PCNX1: variants seen among roughly 807,000 people sequenced by gnomAD.
PCNX1 encodes the protein pecanex-like protein 1.
In PCNX1, 78 loss-of-function variants were observed where a neutral mutation model predicts 242.2. The ratio of observed to expected loss-of-function variants is 0.32; its 90% confidence interval spans 0.27 to 0.39. PCNX1 has a LOEUF of 0.39. Among genes scored for constraint, PCNX1 ranks in the 10% least tolerant of loss-of-function variants. PCNX1 has a pLI of 1.00. For synonymous variants in PCNX1, 1,024 were observed against 1,032.9 expected, an observed-to-expected ratio of 0.99 and a Z score of 0.17; for missense variants, 2,581 against 2,856.5, an observed-to-expected ratio of 0.90 and a Z score of 2.20.
chr14:70,978,598 C>T lies in PCNX1; in HGVS notation c.2261C>T (p.Pro754Leu). ...GTCACTCGATCTAGGAATAGCTTGC[C>T]AAACCAGGTTGCATTTCCTGAAGGG... The part of the protein sequence containing the change: ...ETVTRSRNSL[P>L]NQVAFPEGEE... Residue 754 changes from proline to leucine, a missense_variant, in exon 6 of 36, where the codon CCA becomes CTA. Coordinates refer to ENST00000304743, the MANE Select transcript of PCNX1 (RefSeq NM_014982.3). 2 of 1,613,848 alleles carry T rather than the reference C, an allele frequency of 1.2e-6. No individual in the cohort carries two copies. Among genetic ancestry groups the T allele is most frequent in the South Asian group, 1.1e-5 (1 of 91,038 alleles).
intron 1 of PCNX1, among the ~76,000 whole-genome samples, chr14:70,938,861 G>T (rs766880613): frequency 2.6e-5 from 4 of 152,052 alleles, no homozygotes; most frequent in Non-Finnish European, 4.4e-5. Flanking sequence ...GTCTTGGGAG[G>T]GTGTATGTGT....
intron 7 of PCNX1, among the ~76,000 whole-genome samples, chr14:70,994,234 G>A (rs2059258228): frequency 6.6e-6 from 1 of 151,696 alleles, no homozygotes; most frequent in African/African-American, 2.4e-5. Flanking sequence ...GCCTGCTTTG[G>A]TAGCTATTAG....
chr14:70,933,096 G>C (rs972389413), intron 1 of PCNX1, among the ~76,000 whole-genome samples: 3 of 152,154 alleles, frequency 2.0e-5, no homozygotes, highest in Non-Finnish European at 4.4e-5. Flanking sequence ...TAATTATTTT[G>C]CTTGGAGAGC....
chr14:70,908,082 T>G, intron 1 of PCNX1, 79 bp downstream of exon 1: 1 of 1,348,750 alleles, frequency 7.4e-7, no homozygotes, highest in Non-Finnish European at 9.8e-7. Flanking sequence ...CCTCTTCCTC[T>G]TCCACGGGGT....
intron 8 of PCNX1, among the ~76,000 whole-genome samples, chr14:70,999,452 C>A (rs565144285): frequency 6.6e-6 from 1 of 152,026 alleles, no homozygotes; most frequent in Non-Finnish European, 1.5e-5. Context: ...ACAATGTTGA[C>A]AAGAAATGAG....
chr14:71,000,212 AG>A (rs1241188467), intron 8 of PCNX1, among the ~76,000 whole-genome samples: 4 of 152,224 alleles, frequency 2.6e-5, no homozygotes, highest in African/African-American at 7.2e-5. Context: ...AAGAGGTTTA[AG>A]GGCTATATTC....
Position 71,112,910 on chromosome 14 carries a change from C to CT in PCNX1, c.*2982dup, listed in dbSNP as rs985165892. The CT allele has an allele frequency of 3.3e-5, 5 of 152,078 alleles. No homozygotes were observed. The highest frequency in any genetic ancestry group is 9.7e-5 in the African/African-American group (4 of 41,412). The allele number at this position is 152,078 out of a possible 1,614,324, so 9.4% of individuals were successfully genotyped here. On this transcript the variant is annotated 3_prime_UTR_variant, in exon 36 of 36. Coordinates refer to ENST00000304743, the MANE Select transcript of PCNX1 (RefSeq NM_014982.3). ...CGTGGAATGAGTTATAAATTATTGC[C>CT]TTTTTTTCCTTTATTTCTTTCATTC...
chr14:70,925,200 G>A (rs1780752040), intron 1 of PCNX1, among the ~76,000 whole-genome samples: 1 of 152,072 alleles, frequency 6.6e-6, no homozygotes, highest in Non-Finnish European at 1.5e-5. Flanking sequence ...TGTTGGCCAG[G>A]CTGGTCTTGG....
At chr14:70,984,672 C>G (rs1236520745) in intron 6 of PCNX1, among the ~76,000 whole-genome samples, 1 of 152,154 alleles carries the variant, frequency 6.6e-6, no homozygotes, top group Admixed American at 6.5e-5. Context: ...AGGCGTGAGC[C>G]ACCGCGACCT....
At chr14:71,043,451 C>G (rs1260031837) in intron 19 of PCNX1, among the ~76,000 whole-genome samples, 2 of 152,042 alleles carry the variant, frequency 1.3e-5, no homozygotes, top group Non-Finnish European at 2.9e-5. Context: ...CATTTTTGCA[C>G]TGTCACATAT....
intron 1 of PCNX1, among the ~76,000 whole-genome samples, chr14:70,912,356 T>C (rs1430541567): frequency 6.6e-6 from 1 of 152,222 alleles, no homozygotes; most frequent in Non-Finnish European, 1.5e-5. Context: ...CCCTTTCTTA[T>C]TCGGTAGATC....
chr14:71,059,559 T>A (rs897053891), intron 26 of PCNX1, among the ~76,000 whole-genome samples: 2 of 151,904 alleles, frequency 1.3e-5, no homozygotes, highest in Non-Finnish European at 2.9e-5. Flanking sequence ...AATTTTTTTT[T>A]AATTTTTACT....
intron 1 of PCNX1, among the ~76,000 whole-genome samples, chr14:70,935,609 A>G (rs538202570): frequency 6.6e-6 from 1 of 152,346 alleles, no homozygotes; most frequent in African/African-American, 2.4e-5. Context: ...AGAGCCATTA[A>G]TATTTTCGAT....
At chr14:71,017,047 G>C (rs2059978798) in intron 11 of PCNX1, among the ~76,000 whole-genome samples, 1 of 152,160 alleles carries the variant, frequency 6.6e-6, no homozygotes, top group African/African-American at 2.4e-5. Flanking sequence ...TGTGAGTTAT[G>C]ATATCACTAC....
intron 28 of PCNX1, chr14:71,085,472 C>G (rs1196648936): frequency 6.6e-6 from 1 of 152,186 alleles, no homozygotes; most frequent in Non-Finnish European, 1.5e-5. Flanking sequence ...GTGTCATAAG[C>G]AAACATTCAG....
intron 26 of PCNX1, among the ~76,000 whole-genome samples, chr14:71,068,644 A>AGTTTAAT (rs1457077995): frequency 1.2e-4 from 17 of 140,194 alleles, no homozygotes; most frequent in South Asian, 2.3e-4. Context: ...ATATACATAT[A>AGTTTAAT]TTGTTGCATG....
At chr14:70,954,559 T>G (rs1410399323) in intron 2 of PCNX1, among the ~76,000 whole-genome samples, 1 of 152,176 alleles carries the variant, frequency 6.6e-6, no homozygotes, top group East Asian at 1.9e-4. Flanking sequence ...TCAGTAATAG[T>G]TTTTCATTTT....
Position 70,907,564 on chromosome 14 carries a change from T to C in PCNX1, c.-287T>C, listed in dbSNP as rs1312507071. On this transcript the variant is annotated 5_prime_UTR_variant, in exon 1 of 36. Transcript: ENST00000304743. Reference sequence around the variant, plus strand: ...GCGGGGGCCGGGCCGCGGCTCCGGGTGTTAGGAGACAAGATGGCGGCGGCT... The same window carrying C: ...GCGGGGGCCGGGCCGCGGCTCCGGGCGTTAGGAGACAAGATGGCGGCGGCT... The C allele has an allele frequency of 6.0e-6, 1 of 166,228 alleles. No individual in the cohort carries two copies. The highest frequency in any genetic ancestry group is 1.2e-5 in the Non-Finnish European group (1 of 80,110). 10.3% of individuals were successfully genotyped at this position (166,228 alleles called of 1,614,324 possible). A position where few individuals can be genotyped will look rare whatever the true frequency, so the allele number is the denominator to read the frequency against.
chr14:70,971,574 C>G (rs1281701972), intron 5 of PCNX1, among the ~76,000 whole-genome samples: 1 of 152,188 alleles, frequency 6.6e-6, no homozygotes, highest in Non-Finnish European at 1.5e-5. Flanking sequence ...ACAAAAAGTT[C>G]CACCCTCATG....
Sources: allele counts gnomAD v4.1 joint callset (sites outside exome capture counted in the v4.1 genomes callset), GRCh38; gene constraint gnomAD v4.1.1; transcripts MANE v1.5; gene names NCBI Gene and HGNC (gene_info 2026-07-23, HGNC 2026-07-21).